The following CCDC92B variants were observed in gnomAD, a reference collection of about 807,000 sequenced individuals.
The protein encoded by CCDC92B is coiled-coil domain-containing 92B.
Under a neutral mutation model 5.6 loss-of-function variants are expected in CCDC92B, and 2 were observed. That is an observed-to-expected ratio of 0.36 (90% CI 0.15 to 1.12). The LOEUF (loss-of-function observed/expected upper bound fraction) is 1.12, where lower values mean the gene tolerates loss of function less well. Ranked by LOEUF, CCDC92B falls within the 50% of genes most tolerant of loss-of-function variation. The pLI is 0.40. For synonymous variants in CCDC92B, 115 were observed against 122.3 expected (o/e 0.94, Z 0.39); for missense variants, 271 against 262.2 (o/e 1.03, Z -0.23).
rs964358592 is a variant in CCDC92B at position 2,721,357 on chromosome 17, T to A, written c.*3054A>T. The A allele has an allele frequency of 2.0e-5, 3 of 152,256 alleles. No homozygotes were observed. Among genetic ancestry groups the A allele is most frequent in the African/African-American group, 7.2e-5 (3 of 41,450 alleles). 9.4% of individuals were successfully genotyped at this position (152,256 alleles called of 1,614,324 possible). A position where few individuals can be genotyped will look rare whatever the true frequency, so the allele number is the denominator to read the frequency against. ...GACCTGAGTGTCCTCTTCAACACTC[T>A]CTCTCCCAATGGGGATTCGTGCAGC... On this transcript the variant is annotated 3_prime_UTR_variant, in exon 4 of 4. Coordinates refer to ENST00000614400, the MANE Select transcript of CCDC92B (RefSeq NM_001355573.2).
intron 2 of CCDC92B, 55 bp from the exon 3 acceptor site, chr17:2,730,548 TGTGTGTGTGTGTGTGAGAGAGAGAGAGA>T: frequency 1.9e-6 from 1 of 532,250 alleles, no homozygotes; most frequent in Non-Finnish European, 2.4e-6. Context: ...TGTGTGTGTG[TGTGTGTGTGTGTGTGAGAGAGAGAGAGA>T]GAGAGAGAGA....
chr17:2,724,399 C>T lies in CCDC92B; in HGVS notation c.*12G>A. 1 of 984,954 alleles carries T rather than the reference C, an allele frequency of 1.0e-6. No homozygotes were observed. Among genetic ancestry groups the T allele is most frequent in the Non-Finnish European group, 1.2e-6 (1 of 829,776 alleles). The allele number at this position is 984,954 out of a possible 1,614,324, so 61.0% of individuals were successfully genotyped here. On this transcript the variant is annotated 3_prime_UTR_variant, in exon 4 of 4. Transcript: ENST00000614400. This position sits in a 1 kb window ranked among gnomAD's most constrained non-coding sequence, Gnocchi z 5.0. Reference sequence around the variant, plus strand: ...CCCCGTCCGTCCCGCGTCACCCCGGCCAGCCTGGCGCCTACTCCGGGTCCC... The same window carrying T: ...CCCCGTCCGTCCCGCGTCACCCCGGTCAGCCTGGCGCCTACTCCGGGTCCC...
At position 2,735,103 on chromosome 17, in the gene CCDC92B, G is replaced by A. The variant is rs926269025; in HGVS notation, c.43C>T (p.Arg15Cys). 3 of 985,476 alleles carry A rather than the reference G, an allele frequency of 3.0e-6. No individual in the cohort carries two copies. Among genetic ancestry groups the A allele is most frequent in the Non-Finnish European group, 3.6e-6 (3 of 830,038 alleles). The allele number at this position is 985,476 out of a possible 1,614,324, so 61.0% of individuals were successfully genotyped here. A position where few individuals can be genotyped will look rare whatever the true frequency, so the allele number is the denominator to read the frequency against. Residue 15 changes from arginine (R) to cysteine (C), a missense_variant, in exon 2 of 4, where the codon CGC becomes TGC. Arg to Cys is a radical substitution (Grantham distance 180). Transcript: ENST00000614400. Reference protein sequence around the residue: ...SLEHQIQSVQRHISFLKKEQM... With the variant: ...SLEHQIQSVQCHISFLKKEQM... Reference sequence around the variant, plus strand: ...TCCTTTTTCAGGAAGCTGATGTGGCGTTGCACGCTCTGGATCTGATGCTCC... The same window carrying A: ...TCCTTTTTCAGGAAGCTGATGTGGCATTGCACGCTCTGGATCTGATGCTCC...
chr17:2,740,824 A>G (rs909256901), intron 1 of CCDC92B, among the ~76,000 whole-genome samples: 10 of 151,740 alleles, frequency 6.6e-5, no homozygotes, highest in African/African-American at 2.2e-4. Flanking sequence ...AAAATTAGCC[A>G]GGCATGGTGG....
At position 2,724,234 on chromosome 17, in the gene CCDC92B, C is replaced by T. The variant is rs1361587141; in HGVS notation, c.*177G>A. ...AGGAGAGGGCTCGAAGCTTTGGAAA[C>T]GTCGGGAAGTACAAAAGGCTGGCGG... On this transcript the variant is annotated 3_prime_UTR_variant, in exon 4 of 4. Transcript: ENST00000614400. This position sits in a 1 kb window ranked among gnomAD's most constrained non-coding sequence, Gnocchi z 5.0. The T allele has an allele frequency of 3.0e-6, 3 of 985,150 alleles. No individual in the cohort carries two copies. The highest frequency in any genetic ancestry group is 3.6e-6 in the Non-Finnish European group (3 of 829,816). 61.0% of individuals were successfully genotyped at this position (985,150 alleles called of 1,614,324 possible).
intron 1 of CCDC92B, among the ~76,000 whole-genome samples, chr17:2,737,625 C>A (rs2070871813): frequency 1.3e-5 from 2 of 151,782 alleles, no homozygotes; most frequent in African/African-American, 4.8e-5. Context: ...GCGCCCACCA[C>A]CACGCCCGGC....
intron 3 of CCDC92B, among the ~76,000 whole-genome samples, chr17:2,728,710 T>C (rs1036953108): frequency 6.6e-6 from 1 of 151,238 alleles, no homozygotes; most frequent in Non-Finnish European, 1.5e-5. Flanking sequence ...GTAAGTGGGG[T>C]GAAAGTGGCT....
At chr17:2,746,745 A>G (rs1330688447) in intron 1 of CCDC92B, among the ~76,000 whole-genome samples, 1 of 152,078 alleles carries the variant, frequency 6.6e-6, no homozygotes, top group African/African-American at 2.4e-5. Context: ...ATCTTGGCTC[A>G]CTGCAACCTC....
chr17:2,741,476 A>G (rs1417337755), intron 1 of CCDC92B, among the ~76,000 whole-genome samples: 2 of 150,150 alleles, frequency 1.3e-5, no homozygotes, highest in African/African-American at 5.0e-5. Flanking sequence ...CAGGAGATCG[A>G]GACCAGCCTG....
chr17:2,724,476 G>T lies in CCDC92B; in HGVS notation c.703C>A (p.Pro235Thr). The change falls in exon 4 of 4, where the codon CCC (proline) becomes ACC (threonine). Residue 235 changes from proline to threonine, a missense_variant. Physicochemically the swap from Pro to Thr is conservative, Grantham distance 38. Transcript: ENST00000614400. The surrounding 1 kb of genome is among the most constrained non-coding windows in gnomAD (Gnocchi z 5.0). ...RSPRQPPPQE[P>T]PDRAGPQPAP... ...GGCTGCGGGCCGGCTCGGTCCGGGG[G>T]CTCCTGGGGAGGCGGCTGGCGCGGG... The T allele has an allele frequency of 1.0e-6, 1 of 980,900 alleles. No homozygotes were observed. 60.8% of individuals were successfully genotyped at this position (980,900 alleles called of 1,614,324 possible).
rs902301892 is a variant in CCDC92B at position 2,724,714 on chromosome 17, G to A, written c.465C>T (p.Arg155=). 7 of 983,578 alleles carry A rather than the reference G, an allele frequency of 7.1e-6. No homozygotes were observed. In the Admixed American group the frequency reaches 4.4e-4, roughly 61 times the overall value. 60.9% of individuals were successfully genotyped at this position (983,578 alleles called of 1,614,324 possible). A position where few individuals can be genotyped will look rare whatever the true frequency, so the allele number is the denominator to read the frequency against. Residue 155 remains arginine (R), a synonymous_variant, in exon 4 of 4, where the codon CGC becomes CGT. Coordinates refer to ENST00000614400, the MANE Select transcript of CCDC92B (RefSeq NM_001355573.2). This position sits in a 1 kb window ranked among gnomAD's most constrained non-coding sequence, Gnocchi z 5.0. ...GCTCGGCGGTGGCGCCGGGGCCCGG[G>A]CGCGGGGCCTGCAGTCTCTGGCGCG... ...HAARQRLQAP[R]PGPGATAEPR... is the part of the protein sequence containing the mutation.
At chr17:2,728,026 T>TCTCAAAGCCCATTGAAAGAGCC (rs1249981602) in intron 3 of CCDC92B, among the ~76,000 whole-genome samples, 1 of 151,272 alleles carries the variant, frequency 6.6e-6, no homozygotes, top group Non-Finnish European at 1.5e-5. Context: ...AAGAAAGAGT[T>TCTCAAAGCCCATTGAAAGAGCC]CTCAAAGCCC....
chr17:2,733,145 GC>G (rs1037964724), intron 2 of CCDC92B, among the ~76,000 whole-genome samples: 20 of 151,466 alleles, frequency 1.3e-4, no homozygotes, highest in Non-Finnish European at 1.5e-5. Context: ...GTTCCTGCCT[GC>G]TCCACATTTT....
intron 1 of CCDC92B, among the ~76,000 whole-genome samples, chr17:2,739,200 T>G (rs2070895316): frequency 6.7e-6 from 1 of 148,276 alleles, no homozygotes; most frequent in African/African-American, 2.5e-5. Context: ...ACCCCATCTC[T>G]ACTAAAAATA....
intron 1 of CCDC92B, among the ~76,000 whole-genome samples, chr17:2,738,367 G>A (rs1214565407): frequency 2.6e-5 from 4 of 151,976 alleles, no homozygotes; most frequent in Non-Finnish European, 4.4e-5. Flanking sequence ...TACCTGCTGT[G>A]AGACTTTTGG....
intron 1 of CCDC92B, 148 bp from the exon 2 acceptor site, chr17:2,735,316 A>T (rs914696420): frequency 2.7e-6 from 1 of 365,830 alleles, no homozygotes; most frequent in African/African-American, 2.2e-5. Flanking sequence ...CTATTCCTTC[A>T]TTCAGGCTTC....
rs1202398353 is a variant in CCDC92B, at chr17:2,735,140, A to G, written c.6T>C (p.Asp2=). The G allele has an allele frequency of 1.0e-6, 1 of 985,598 alleles. No homozygotes were observed. Among genetic ancestry groups the G allele is most frequent in the Non-Finnish European group, 1.2e-6 (1 of 830,044 alleles). The allele number at this position is 985,598 out of a possible 1,614,324, so 61.1% of individuals were successfully genotyped here. ...GGATCTGATGCTCCAGGGACACGGT[A>G]TCCATGGCAACCCAGGCCTGGGCCC... The part of the protein sequence containing the change: M[D]TVSLEHQIQS... Residue 2 remains aspartate (D), a synonymous_variant, in exon 2 of 4, where the codon GAT becomes GAC. Coordinates refer to ENST00000614400, the MANE Select transcript of CCDC92B (RefSeq NM_001355573.2).
At chr17:2,729,961 T>C (rs953688069) in intron 3 of CCDC92B, among the ~76,000 whole-genome samples, 1 of 152,178 alleles carries the variant, frequency 6.6e-6, no homozygotes, top group Non-Finnish European at 1.5e-5. Context: ...ATCTTGACAC[T>C]CGGCCTGTGA....
chr17:2,724,544 A>C lies in CCDC92B; in HGVS notation c.635T>G (p.Leu212Arg). Residue 212 changes from leucine to arginine, a missense_variant, in exon 4 of 4, where the codon CTC becomes CGC. Leu to Arg is a moderately radical substitution (Grantham distance 102, BLOSUM62 -2). Coordinates refer to ENST00000614400, the MANE Select transcript of CCDC92B (RefSeq NM_001355573.2). The surrounding 1 kb of genome is among the most constrained non-coding windows in gnomAD (Gnocchi z 5.0). ...CAGCGGCCTGCGTGCATAGAGGAAG[A>C]GCGCGGGGTCGGGCATGGGGTCGGC... ...DDADPMPDPA[L>R]FLYARRPLRP... is the part of the protein sequence containing the mutation. 1 of 981,456 alleles carries C rather than the reference A, an allele frequency of 1.0e-6. No homozygotes were observed. Among genetic ancestry groups the C allele is most frequent in the African/African-American group, 1.8e-5 (1 of 56,466 alleles). The allele number at this position is 981,456 out of a possible 1,614,324, so 60.8% of individuals were successfully genotyped here.
Sources: gnomAD v4.1 joint callset for allele counts (sites outside exome capture counted in the v4.1 genomes callset) on GRCh38, gnomAD v4.1.1 for gene constraint, Gnocchi (gnomAD v3.1) non-coding constraint, MANE v1.5 for transcripts, NCBI Gene and HGNC (gene_info 2026-07-23, HGNC 2026-07-21) for gene names.